EFCAB5: variants seen among roughly 807,000 people sequenced by gnomAD.
EFCAB5 encodes EF-hand calcium-binding domain-containing protein 5.
EFCAB5 carries 131 observed loss-of-function variants against 167.9 expected under a neutral mutation model. The ratio of observed to expected loss-of-function variants is 0.78; its 90% confidence interval spans 0.68 to 0.90. The LOEUF (loss-of-function observed/expected upper bound fraction) is 0.90. Ranked by LOEUF, EFCAB5 falls within the 40% of genes least tolerant of loss-of-function variation. The pLI, the probability that EFCAB5 is intolerant of heterozygous loss-of-function variation, is 0.00. For missense variants in EFCAB5, 1,663 were observed against 1,745.2 expected (o/e 0.95, Z 0.84); for synonymous variants, 574 against 602.8 (o/e 0.95, Z 0.70).
At chr17:29,955,798 A>G (rs527786991) in intron 3 of EFCAB5, among the ~76,000 whole-genome samples, 1 of 2,004 alleles carries the variant, frequency 5.0e-4, no homozygotes, top group African/African-American at 1.2e-3. Flanking sequence ...TTCTTCACAG[A>G]ACTAAAAAAA....
intron 8 of EFCAB5, among the ~76,000 whole-genome samples, chr17:30,036,850 G>C (rs1308988972): frequency 6.6e-6 from 1 of 152,162 alleles, no homozygotes; most frequent in Non-Finnish European, 1.5e-5. Flanking sequence ...GCAAAATATG[G>C]CATCAAAGCA....
At chr17:29,941,042 A>C (rs2067291672), upstream of EFCAB5, among the ~76,000 whole-genome samples, 2 of 152,130 alleles carry the variant, frequency 1.3e-5, no homozygotes, top group Admixed American at 6.5e-5. Flanking sequence ...TCTGTAAAAA[A>C]AAAAAAGAAA....
intron 7 of EFCAB5, among the ~76,000 whole-genome samples, chr17:30,026,964 T>C (rs929450392): frequency 6.0e-3 from 78 of 13,078 alleles, no homozygotes; most frequent in Non-Finnish European, 0.01. Flanking sequence ...CTTGTACCTT[T>C]TTTTTTTTTT....
intron 22 of EFCAB5, among the ~76,000 whole-genome samples, chr17:30,097,138 C>T (rs988220779): frequency 3.3e-5 from 5 of 151,304 alleles, no homozygotes; most frequent in Admixed American, 2.6e-4. Flanking sequence ...CTCACCGCAA[C>T]CTCTGCCTCC....
chr17:30,042,705 C>T lies in EFCAB5; in HGVS notation c.1200+8320C>T, dbSNP rs929574447. ...AGATAGCATTACTAATAAATTCTAC[C>T]GAACATTTAAGGAAGGGATAATTTC... On this transcript the variant is annotated intron_variant, in intron 8 of 22. Transcript: ENST00000394835. 6.6e-5 allele frequency among the ~76,000 whole-genome samples: 10 copies of T among 152,060 alleles called. No homozygotes were observed. The East Asian group carries it at 1.4e-3, about 21-fold the overall frequency.
At chr17:29,966,442 G>A (rs1812175427) in intron 3 of EFCAB5, among the ~76,000 whole-genome samples, 1 of 152,048 alleles carries the variant, frequency 6.6e-6, no homozygotes, top group African/African-American at 2.4e-5. Flanking sequence ...ACCAGCCTAA[G>A]CAACATAGTA....
At chr17:29,958,240 A>C (rs2067655570) in intron 3 of EFCAB5, among the ~76,000 whole-genome samples, 1 of 151,908 alleles carries the variant, frequency 6.6e-6, no homozygotes, top group Non-Finnish European at 1.5e-5. Flanking sequence ...TTCTACCCAA[A>C]TCTCTCTCTC....
chr17:29,967,269 A>C (rs972329612), intron 3 of EFCAB5, among the ~76,000 whole-genome samples: 1 of 152,192 alleles, frequency 6.6e-6, no homozygotes, highest in Non-Finnish European at 1.5e-5. Flanking sequence ...ACTGTTTTCT[A>C]TAGTCTGATG....
At chr17:30,039,567 G>A (rs922875190) in intron 8 of EFCAB5, among the ~76,000 whole-genome samples, 1 of 152,176 alleles carries the variant, frequency 6.6e-6, no homozygotes, top group African/African-American at 2.4e-5. Context: ...TTGTGGTGGA[G>A]GTACCAAGAT....
chr17:30,028,680 G>A (rs2069396958), intron 7 of EFCAB5, among the ~76,000 whole-genome samples: 1 of 152,142 alleles, frequency 6.6e-6, no homozygotes, highest in African/African-American at 2.4e-5. Flanking sequence ...CCATACCAAA[G>A]TACCACAGAT....
At chr17:30,053,066 A>T (rs528110400) in intron 9 of EFCAB5, among the ~76,000 whole-genome samples, 189 bp from the exon 10 acceptor site, 1 of 152,346 alleles carries the variant, frequency 6.6e-6, no homozygotes, top group South Asian at 2.1e-4. Context: ...AACTTACAGT[A>T]GTATAAGTTC....
intron 3 of EFCAB5, among the ~76,000 whole-genome samples, chr17:29,955,568 GA>G (rs1274756087): frequency 2.0e-5 from 3 of 151,988 alleles, no homozygotes; most frequent in African/African-American, 7.3e-5. Flanking sequence ...CCCAGTCTGG[GA>G]TATGCCTTTA....
intron 8 of EFCAB5, among the ~76,000 whole-genome samples, chr17:30,040,822 A>G (rs2069749830): frequency 6.6e-6 from 1 of 152,212 alleles, no homozygotes; most frequent in South Asian, 2.1e-4. Context: ...GCTTTGGCTT[A>G]CTCAGGCATG....
chr17:30,060,804 C>T (rs752554856), intron 14 of EFCAB5, among the ~76,000 whole-genome samples: 8 of 152,148 alleles, frequency 5.3e-5, no homozygotes, highest in African/African-American at 9.7e-5. Context: ...GGGCAAATTT[C>T]GTAACACAAA....
intron 17 of EFCAB5, among the ~76,000 whole-genome samples, chr17:30,081,789 T>C (rs1262953601): frequency 6.6e-6 from 1 of 152,212 alleles, no homozygotes; most frequent in Non-Finnish European, 1.5e-5. Context: ...TTTTCAATAA[T>C]AAAATTCATT....
intron 3 of EFCAB5, among the ~76,000 whole-genome samples, chr17:29,966,970 T>C (rs1225203006): frequency 2.0e-5 from 3 of 152,158 alleles, no homozygotes; most frequent in African/African-American, 7.2e-5. Flanking sequence ...TCCAAGGAGT[T>C]CTGATTTTTT....
chr17:30,077,456 TA>T (rs1305593422), intron 14 of EFCAB5, among the ~76,000 whole-genome samples: 2 of 151,908 alleles, frequency 1.3e-5, no homozygotes, highest in Non-Finnish European at 2.9e-5. Flanking sequence ...ACAAGAAAGG[TA>T]AAGATAAAGC....
At chr17:29,946,829 A>G (rs963128772) in intron 3 of EFCAB5, among the ~76,000 whole-genome samples, 1 of 152,202 alleles carries the variant, frequency 6.6e-6, no homozygotes, top group African/African-American at 2.4e-5. Context: ...AAAATAAGTC[A>G]TTATATTAAA....
chr17:30,081,033 T>A, intron 17 of EFCAB5, 52 bp downstream of exon 17: 1 of 1,426,594 alleles, frequency 7.0e-7, no homozygotes, highest in Non-Finnish European at 9.8e-7. Flanking sequence ...CTCTTTCTAA[T>A]ACTTTTTAAA....
Sources: allele counts gnomAD v4.1 joint callset (sites outside exome capture counted in the v4.1 genomes callset), GRCh38; gene constraint gnomAD v4.1.1; transcripts MANE v1.5; gene names NCBI Gene and HGNC (gene_info 2026-07-23, HGNC 2026-07-21).